CEP170: variants seen among roughly 807,000 people sequenced by gnomAD.
CEP170 encodes the protein centrosomal protein of 170 kDa.
Under a neutral mutation model 151.9 loss-of-function variants are expected in CEP170, and 21 were observed. That is an observed-to-expected ratio of 0.14 (90% confidence interval 0.10 to 0.20). CEP170 has a LOEUF of 0.20. CEP170 is among the 10% of genes least tolerant of loss of function. The probability of loss-of-function intolerance (pLI) is 1.00; values close to 1 mark genes in which losing one functional copy is unlikely to be tolerated. For synonymous variants in CEP170, 356 were observed against 648.8 expected (o/e 0.55, Z 6.86); for missense variants, 964 against 1,892.9 (o/e 0.51, Z 9.11).
Position 243,185,040 on chromosome 1 carries a change from G to A in CEP170, c.1566+739C>T, listed in dbSNP as rs1040707780. ...TGGTGCAAAAGTCACTGCGGTTTTT[G>A]CCATTACTTTCAACGGCAACCTTGA... On this transcript the variant is annotated intron_variant, in intron 10 of 19. Transcript: ENST00000366542. The surrounding 1 kb of genome is among the most constrained non-coding windows in gnomAD (Gnocchi z 4.9). 2.0e-5 allele frequency among the ~76,000 whole-genome samples: 3 copies of A among 152,154 alleles called. No homozygotes were observed. The highest frequency in any genetic ancestry group is 7.2e-5 in the African/African-American group (3 of 41,436).
intron 1 of CEP170, among the ~76,000 whole-genome samples, chr1:243,238,397 T>C (rs2064462859): frequency 6.6e-6 from 1 of 151,874 alleles, no homozygotes; most frequent in African/African-American, 2.4e-5. Flanking sequence ...AGGTCAAGGA[T>C]GCAGTGAGCC....
Position 243,165,857 on chromosome 1 carries a change from CATT to C in CEP170, c.2100_2102del (p.Met701del), listed in dbSNP as rs1221967775. 2 of 1,613,966 alleles carry C rather than the reference CATT, an allele frequency of 1.2e-6. No homozygotes were observed. The highest frequency in any genetic ancestry group is 1.7e-6 in the Non-Finnish European group (2 of 1,179,858). On this transcript the variant is annotated inframe_deletion, in exon 13 of 20. Transcript: ENST00000366542. ...GAGTCTCTCCATTTACTGCCCTGTT[CATT>C]TTACTCAAGGGTCTGTCAGCATCTT... is the stretch of plus-strand genomic sequence containing the variant.
rs115849275 is a variant in CEP170, at chr1:243,171,209, T to G, written c.1717-1455A>C. ...TCAAATAATTATCACCTGCTTTCAA[T>G]AAGTAAATTAAGTATCTCATAAAAC... On this transcript the variant is annotated intron_variant, in intron 11 of 19. Coordinates refer to ENST00000366542, the MANE Select transcript of CEP170 (RefSeq NM_014812.3). Among the ~76,000 whole-genome samples the G allele has an allele frequency of 9.3e-3, 1,410 of 152,324 alleles. 24 individuals carry two copies. Among genetic ancestry groups the G allele is most frequent in the African/African-American group, 0.032 (1,337 of 41,576 alleles).
chr1:243,218,098 TGG>T (rs2062466754), intron 3 of CEP170, among the ~76,000 whole-genome samples: 1 of 152,234 alleles, frequency 6.6e-6, no homozygotes, highest in African/African-American at 2.4e-5. Context: ...ATTGATGATC[TGG>T]GAAAGTGAAC....
rs193147415 is a variant in CEP170, at chr1:243,133,700, T to G, written c.4319+2443A>C. 2.2e-3 allele frequency among the ~76,000 whole-genome samples: 338 copies of G among 152,288 alleles called. 2 individuals carry two copies. The highest frequency in any genetic ancestry group is 7.9e-3 in the African/African-American group (329 of 41,550). ...ATTTGTCTCTGGCCATAGGATATAT[T>G]AGCAAATCATAGGTGAATGGGTTGT... On this transcript the variant is annotated intron_variant, in intron 17 of 19. Transcript: ENST00000366542.
chr1:243,243,137 T>G (rs1048621966), intron 1 of CEP170, among the ~76,000 whole-genome samples: 1 of 152,064 alleles, frequency 6.6e-6, no homozygotes, highest in African/African-American at 2.4e-5. Flanking sequence ...GACAGGAGGA[T>G]CGCTTGAGCC....
At chr1:243,213,254 A>G (rs1414184883) in intron 3 of CEP170, among the ~76,000 whole-genome samples, 1 of 152,114 alleles carries the variant, frequency 6.6e-6, no homozygotes, top group African/African-American at 2.4e-5. Flanking sequence ...ATAAATCACT[A>G]TTTCATCATT....
chr1:243,190,932 G>GT, intron 8 of CEP170, 86 bp downstream of exon 8: 1 of 1,442,444 alleles, frequency 6.9e-7, no homozygotes, highest in Non-Finnish European at 9.2e-7. Context: ...TTTCTACCAT[G>GT]TAAGTATCTA....
chr1:243,163,838 T>C (rs2058251254), intron 13 of CEP170, among the ~76,000 whole-genome samples: 1 of 152,272 alleles, frequency 6.6e-6, no homozygotes, highest in Non-Finnish European at 1.5e-5. Flanking sequence ...TAATAAAGCA[T>C]ATACTGCTTT....
chr1:243,218,583 G>C (rs560710995), intron 3 of CEP170, among the ~76,000 whole-genome samples: 57 of 152,286 alleles, frequency 3.7e-4, no homozygotes, highest in Non-Finnish European at 7.6e-4. Flanking sequence ...GGGTGAAAGG[G>C]GACAGGAGTG....
intron 18 of CEP170, chr1:243,128,901 G>C (rs2054037743): frequency 6.5e-6 from 1 of 152,894 alleles, no homozygotes; most frequent in South Asian, 2.1e-4. Flanking sequence ...AATCAACCTT[G>C]CAATAACTAT....
At position 243,124,967 on chromosome 1, in the gene CEP170, T is replaced by C. The variant is rs930676226; in HGVS notation, c.*1482A>G. 2.0e-5 allele frequency: 3 copies of C among 152,330 alleles called. No individual in the cohort carries two copies. The highest frequency in any genetic ancestry group is 4.8e-5 in the African/African-American group (2 of 41,446). 9.4% of individuals were successfully genotyped at this position (152,330 alleles called of 1,614,324 possible). A position where few individuals can be genotyped will look rare whatever the true frequency, so the allele number is the denominator to read the frequency against. ...TAAAGTTTTTTTGCATCTTTATTAATTGATCCAACAATACAGGATTTAAAA... is the reference window on the plus strand; with the variant it reads ...TAAAGTTTTTTTGCATCTTTATTAACTGATCCAACAATACAGGATTTAAAA... On this transcript the variant is annotated 3_prime_UTR_variant, in exon 20 of 20. Coordinates refer to ENST00000366542, the MANE Select transcript of CEP170 (RefSeq NM_014812.3).
chr1:243,128,566 G>A (rs964220707), intron 18 of CEP170: 9 of 366,280 alleles, frequency 2.5e-5, no homozygotes, highest in African/African-American at 1.9e-4. Context: ...TACTATTTAA[G>A]CAAAGATTTT....
chr1:243,221,564 C>T, intron 3 of CEP170, 160 bp downstream of exon 3: 1 of 654,682 alleles, frequency 1.5e-6, no homozygotes, highest in Non-Finnish European at 2.6e-6. Flanking sequence ...GTTTCATATT[C>T]TATTGGATGG....
intron 1 of CEP170, among the ~76,000 whole-genome samples, chr1:243,239,646 C>G (rs2064624857): frequency 4.6e-5 from 7 of 152,120 alleles, no homozygotes; most frequent in Admixed American, 4.6e-4. Flanking sequence ...TATGCTGTCC[C>G]AAGACCTTTC....
intron 16 of CEP170, among the ~76,000 whole-genome samples, chr1:243,136,501 C>G (rs1347730545): frequency 6.6e-6 from 1 of 152,178 alleles, no homozygotes; most frequent in Non-Finnish European, 1.5e-5. Context: ...TCCATTTTAT[C>G]CTCAGTTTAT....
intron 10 of CEP170, among the ~76,000 whole-genome samples, chr1:243,181,624 C>A (rs2059622136): frequency 6.6e-6 from 1 of 152,124 alleles, no homozygotes; most frequent in Non-Finnish European, 1.5e-5. Flanking sequence ...AGGTAAGATG[C>A]AAATACACGG....
rs1296445220 is a variant in CEP170, at chr1:243,185,135, A to G, written c.1566+644T>C. ...AGAAAAATTGCTTTTTAAACCATGCAACAATCCTTACACACGCTAACCAAT... is the reference window on the plus strand; with the variant it reads ...AGAAAAATTGCTTTTTAAACCATGCGACAATCCTTACACACGCTAACCAAT... On this transcript the variant is annotated intron_variant, in intron 10 of 19. Coordinates refer to ENST00000366542, the MANE Select transcript of CEP170 (RefSeq NM_014812.3). This position sits in a 1 kb window ranked among gnomAD's most constrained non-coding sequence, Gnocchi z 4.9. 6.6e-6 allele frequency among the ~76,000 whole-genome samples: 1 copy of G among 152,220 alleles called. No individual in the cohort carries two copies. The highest frequency in any genetic ancestry group is 1.5e-5 in the Non-Finnish European group (1 of 68,032).
Position 243,185,637 on chromosome 1 carries a change from A to C in CEP170, c.1566+142T>G, listed in dbSNP as rs2059893978. 1.7e-6 allele frequency: 2 copies of C among 1,143,188 alleles called. No individual in the cohort carries two copies. Among genetic ancestry groups the C allele is most frequent in the Non-Finnish European group, 2.5e-6 (2 of 808,446 alleles). 70.8% of individuals were successfully genotyped at this position (1,143,188 alleles called of 1,614,324 possible). Reference sequence around the variant, plus strand: ...ACAAAGCATGTTGGTCTTACTGTTAAGTCTTGCAGTTCCCTAACAAAACCC... The same window carrying C: ...ACAAAGCATGTTGGTCTTACTGTTACGTCTTGCAGTTCCCTAACAAAACCC... On this transcript the variant is annotated intron_variant, in intron 10 of 19. Coordinates refer to ENST00000366542, the MANE Select transcript of CEP170 (RefSeq NM_014812.3). The surrounding 1 kb of genome is among the most constrained non-coding windows in gnomAD (Gnocchi z 4.9).
Sources: allele counts gnomAD v4.1 joint callset (sites outside exome capture counted in the v4.1 genomes callset), GRCh38; gene constraint gnomAD v4.1.1; non-coding constraint Gnocchi (gnomAD v3.1); transcripts MANE v1.5; gene names NCBI Gene and HGNC (gene_info 2026-07-23, HGNC 2026-07-21).